GALNT13: variants seen among roughly 807,000 people sequenced by gnomAD.
The protein encoded by GALNT13 is UDP-GalNAc:polypeptide N-acetylgalactosaminyltransferase 13.
Under a neutral mutation model 64.2 loss-of-function variants are expected in GALNT13, and 28 were observed. The ratio of observed to expected loss-of-function variants is 0.44; its 90% CI spans 0.32 to 0.60. The LOEUF is 0.60. GALNT13 is among the 20% of genes least tolerant of loss of function. GALNT13 has a pLI of 0.05. For missense variants in GALNT13, 577 were observed against 669.8 expected, an observed-to-expected ratio of 0.86 and a Z score of 1.53; for synonymous variants, 214 against 224.6, an observed-to-expected ratio of 0.95 and a Z score of 0.42.
the GALNT13 span, among the ~76,000 whole-genome samples, chr2:153,711,847 G>A: frequency 6.6e-6 from 1 of 152,086 alleles, no homozygotes; most frequent in African/African-American, 2.4e-5. Context: ...GGCTGTTAAA[G>A]GCATCACCTT....
At chr2:153,278,360 C>A in the GALNT13 span, among the ~76,000 whole-genome samples, 6 of 152,082 alleles carry the variant, frequency 3.9e-5, no homozygotes, top group African/African-American at 1.4e-4. Context: ...TTTAATTAGG[C>A]CCCATTTGTC....
chr2:153,869,469 G>C (rs1299728125), upstream of GALNT13, among the ~76,000 whole-genome samples: 1 of 152,048 alleles, frequency 6.6e-6, no homozygotes, highest in Non-Finnish European at 1.5e-5. Context: ...GAAAAGTATA[G>C]GCAAGATATT....
intron 4 of GALNT13, among the ~76,000 whole-genome samples, chr2:154,207,698 G>T (rs1687539899): frequency 6.6e-6 from 1 of 152,148 alleles, no homozygotes; most frequent in Non-Finnish European, 1.5e-5. Flanking sequence ...GGACAGGGAA[G>T]AACTGAGTTG....
chr2:153,677,046 G>T, the GALNT13 span, among the ~76,000 whole-genome samples: 6 of 151,994 alleles, frequency 3.9e-5, no homozygotes, highest in South Asian at 1.0e-3. Context: ...GCAAGATAAA[G>T]AAATAAAAGG....
the GALNT13 span, among the ~76,000 whole-genome samples, chr2:153,573,183 C>A: frequency 6.6e-6 from 1 of 151,930 alleles, no homozygotes; most frequent in African/African-American, 2.4e-5. Context: ...ACCCCTTTAT[C>A]ATTATATAGT....
At chr2:154,413,733 A>G (rs1204735092) in intron 11 of GALNT13, among the ~76,000 whole-genome samples, 2 of 151,898 alleles carry the variant, frequency 1.3e-5, no homozygotes, top group African/African-American at 2.4e-5. Flanking sequence ...CTTAAGACAC[A>G]CTCACTGTTG....
chr2:153,092,099 T>C, the GALNT13 span, among the ~76,000 whole-genome samples: 2 of 152,188 alleles, frequency 1.3e-5, no homozygotes, highest in South Asian at 2.1e-4. Context: ...TTGAAGAGAC[T>C]GTCTTTTTTG....
chr2:153,523,589 G>C, the GALNT13 span, among the ~76,000 whole-genome samples: 5 of 152,218 alleles, frequency 3.3e-5, no homozygotes. Context: ...AAGTAATATT[G>C]TGAGTTTAAT....
chr2:153,131,167 G>T, the GALNT13 span, among the ~76,000 whole-genome samples: 1 of 152,010 alleles, frequency 6.6e-6, no homozygotes, highest in South Asian at 2.1e-4. Context: ...CTAGATTGGG[G>T]GTTTTAGTCC....
chr2:153,214,555 T>C, the GALNT13 span, among the ~76,000 whole-genome samples: 1 of 152,194 alleles, frequency 6.6e-6, no homozygotes, highest in Non-Finnish European at 1.5e-5. Flanking sequence ...TACAGCATGC[T>C]ACATTAAACA....
intron 8 of GALNT13, chr2:154,286,603 GT>G: frequency 4.3e-6 from 1 of 235,106 alleles, no homozygotes; most frequent in African/African-American, 2.3e-5. Context: ...CTGCCAGCAT[GT>G]TTGAGTCTAT....
the GALNT13 span, among the ~76,000 whole-genome samples, chr2:153,568,101 G>A: frequency 6.6e-6 from 1 of 152,150 alleles, no homozygotes; most frequent in East Asian, 1.9e-4. Context: ...AATAGATTGA[G>A]CTCTGAAATT....
chr2:153,454,676 G>A, the GALNT13 span, among the ~76,000 whole-genome samples: 5 of 152,144 alleles, frequency 3.3e-5, no homozygotes, highest in Non-Finnish European at 7.4e-5. Context: ...TTGGTCCCCT[G>A]TATGTTCAAT....
At chr2:153,630,435 G>A in the GALNT13 span, among the ~76,000 whole-genome samples, 1 of 141,312 alleles carries the variant, frequency 7.1e-6, no homozygotes, top group Admixed American at 7.6e-5. Context: ...ACTCATAGAT[G>A]GGAATTGAAC....
intron 4 of GALNT13, among the ~76,000 whole-genome samples, chr2:154,204,185 T>A (rs74526008): frequency 6.6e-6 from 1 of 152,158 alleles, no homozygotes; most frequent in Admixed American, 6.5e-5. Flanking sequence ...AGTTCAAACA[T>A]CAACCATCGT....
the GALNT13 span, among the ~76,000 whole-genome samples, chr2:153,269,374 G>A: frequency 6.6e-6 from 1 of 152,118 alleles, no homozygotes; most frequent in Non-Finnish European, 1.5e-5. Context: ...CAGTCTCTTT[G>A]CTAAAGCATA....
intron 9 of GALNT13, among the ~76,000 whole-genome samples, chr2:154,385,018 A>G (rs1698442021): frequency 7.2e-6 from 1 of 138,184 alleles, no homozygotes. Flanking sequence ...TAAAGCAGTG[A>G]CGACTACAAT....
At chr2:153,410,276 GGA>G in the GALNT13 span, among the ~76,000 whole-genome samples, 3 of 151,932 alleles carry the variant, frequency 2.0e-5, no homozygotes, top group Non-Finnish European at 4.4e-5. Flanking sequence ...TGGGGTAGGG[GGA>G]GAGAAAGGAG....
At chr2:153,078,158 G>A in the GALNT13 span, among the ~76,000 whole-genome samples, 1 of 151,786 alleles carries the variant, frequency 6.6e-6, no homozygotes, top group South Asian at 2.1e-4. Flanking sequence ...TAACTTGTGA[G>A]TGTATAAATG....
Sources: allele counts gnomAD v4.1 joint callset (sites outside exome capture counted in the v4.1 genomes callset), GRCh38; gene constraint gnomAD v4.1.1; transcripts MANE v1.5; gene names NCBI Gene and HGNC (gene_info 2026-07-23, HGNC 2026-07-21).